The following CAMSAP1 variants were observed in gnomAD, a reference collection of about 807,000 sequenced individuals.
CAMSAP1 encodes calmodulin-regulated spectrin-associated protein 1.
A neutral mutation model predicts 143.5 loss-of-function variants in CAMSAP1; 58 were observed. That is an observed-to-expected ratio of 0.40 (90% confidence interval 0.33 to 0.50). The LOEUF is 0.50. Among genes scored for constraint, CAMSAP1 ranks in the 20% least tolerant of loss-of-function variants. CAMSAP1 has a pLI of 0.45. For missense variants in CAMSAP1, 1,969 were observed against 2,115.7 expected, an observed-to-expected ratio of 0.93 and a Z score of 1.36; for synonymous variants, 945 against 859.3, an observed-to-expected ratio of 1.10 and a Z score of -1.74.
intron 3 of CAMSAP1, among the ~76,000 whole-genome samples, chr9:135,876,731 G>A (rs1371372557): frequency 6.6e-6 from 1 of 152,140 alleles, no homozygotes. Flanking sequence ...AAATATTGCT[G>A]GGCACAGTAG....
At chr9:135,867,469 A>ACCCT (rs1554796473) in intron 3 of CAMSAP1, among the ~76,000 whole-genome samples, 2 of 123,606 alleles carry the variant, frequency 1.6e-5, no homozygotes, top group Non-Finnish European at 3.7e-5. Context: ...ACACAGCAAG[A>ACCCT]CCCCCCTCTT....
chr9:135,815,247 T>C, intron 15 of CAMSAP1, 32 bp from the exon 16 acceptor site: 1 of 1,477,308 alleles, frequency 6.8e-7, no homozygotes, highest in Non-Finnish European at 9.3e-7. Context: ...GGTAAAATTA[T>C]TATTTTAAGG....
At chr9:135,819,257 A>G (rs1407769730) in intron 11 of CAMSAP1, 111 bp from the exon 12 acceptor site, 1 of 1,353,546 alleles carries the variant, frequency 7.4e-7, no homozygotes, top group African/African-American at 1.5e-5. Flanking sequence ...TTTAACGCAT[A>G]AAGACTTCTA....
At chr9:135,879,478 C>T (rs1022147847) in intron 3 of CAMSAP1, among the ~76,000 whole-genome samples, 19 of 151,948 alleles carry the variant, frequency 1.3e-4, no homozygotes, top group Non-Finnish European at 1.0e-4. Flanking sequence ...ATGCTCTTAC[C>T]CAGAATCTGC....
intron 7 of CAMSAP1, among the ~76,000 whole-genome samples, chr9:135,838,580 ACAT>A (rs553663537): frequency 1.7e-4 from 25 of 148,096 alleles, no homozygotes; most frequent in South Asian, 6.5e-4. Context: ...CTACAGACAC[ACAT>A]CATCACGCAC....
rs549331373 is a variant in CAMSAP1, at chr9:135,882,639, A to G, written c.423+177T>C. On this transcript the variant is annotated intron_variant, in intron 2 of 16. Transcript: ENST00000389532. This position sits in a 1 kb window ranked among gnomAD's most constrained non-coding sequence, Gnocchi z 4.9. ...AAGCTCTCTTTTCCCCATTCTCCAC[A>G]ACAGTCATGTGCTTTAAAAGATATG... Among the ~76,000 whole-genome samples the G allele has an allele frequency of 6.6e-6, 1 of 152,278 alleles. No individual in the cohort carries two copies. Among genetic ancestry groups the G allele is most frequent in the South Asian group, 2.1e-4 (1 of 4,822 alleles).
chr9:135,816,269 C>A (rs560944034), intron 14 of CAMSAP1, among the ~76,000 whole-genome samples: 2 of 152,310 alleles, frequency 1.3e-5, no homozygotes, highest in South Asian at 4.1e-4. Context: ...TTCACCTCCA[C>A]GAAGCCCTTG....
chr9:135,856,930 C>T (rs1029269026), intron 5 of CAMSAP1, among the ~76,000 whole-genome samples: 2 of 152,246 alleles, frequency 1.3e-5, no homozygotes, highest in African/African-American at 4.8e-5. Context: ...CCTCCACCTC[C>T]TCTTCAGGAT....
In CAMSAP1 at chr9:135,907,440, G is replaced by A. The variant is rs1371570155; in HGVS notation, c.-281C>T. 6.9e-6 allele frequency among the ~76,000 whole-genome samples: 1 copy of A among 145,810 alleles called. No homozygotes were observed. The highest frequency in any genetic ancestry group is 1.5e-5 in the Non-Finnish European group (1 of 65,684). On this transcript the variant is annotated 5_prime_UTR_variant, in exon 1 of 17. Transcript: ENST00000389532. The stretch of plus-strand genomic sequence containing the variant: ...GCGGGCCGGGGGCGGGGGCGGGCGC[G>A]GGGGCGGGAGCGGGCCGGGGGCGGT...
In CAMSAP1 at chr9:135,873,887, CAACACCA is replaced by C. The variant is rs1837646143; in HGVS notation, c.586-7358_586-7352del. Among the ~76,000 whole-genome samples, 4 of 152,132 alleles carry C rather than the reference CAACACCA, an allele frequency of 2.6e-5. No homozygotes were observed. The South Asian group carries it at 8.3e-4, about 32-fold the overall frequency. ...TCACTTTTTTAGCCCAACATTACCC[CAACACCA>C]AAACAAGAGAAATACATCATGAGAA... On this transcript the variant is annotated intron_variant, in intron 3 of 16. Transcript: ENST00000389532.
intron 3 of CAMSAP1, among the ~76,000 whole-genome samples, chr9:135,866,870 A>C (rs1304168583): frequency 6.6e-6 from 1 of 152,150 alleles, no homozygotes; most frequent in Non-Finnish European, 1.5e-5. Context: ...TCCAACACCA[A>C]CAGCAAATGC....
chr9:135,822,369 G>A lies in CAMSAP1; in HGVS notation c.2292C>T (p.Tyr764=). 1 of 1,613,976 alleles carries A rather than the reference G, an allele frequency of 6.2e-7. No individual in the cohort carries two copies. The highest frequency in any genetic ancestry group is 8.5e-7 in the Non-Finnish European group (1 of 1,179,892). Reference sequence around the variant, plus strand: ...GTTTGGCCGACTCTTCCTCCCCAATGTATCTGCTGAAAACCACAGGATGGG... The same window carrying A: ...GTTTGGCCGACTCTTCCTCCCCAATATATCTGCTGAAAACCACAGGATGGG... ...GEAHPVVFSR[Y]IGEEESAKLQ... Residue 764 remains tyrosine (Y), a synonymous_variant, in exon 11 of 17, where the codon TAC becomes TAT. Coordinates refer to ENST00000389532, the MANE Select transcript of CAMSAP1 (RefSeq NM_015447.4). The surrounding 1 kb of genome is among the most constrained non-coding windows in gnomAD (Gnocchi z 6.1).
At chr9:135,819,672 TAAAAAAAA>T (rs55894826) in intron 11 of CAMSAP1, among the ~76,000 whole-genome samples, 14 of 104,632 alleles carry the variant, frequency 1.3e-4, no homozygotes, top group African/African-American at 5.1e-4. Flanking sequence ...TGTCTCCACT[TAAAAAAAA>T]AAAAAAAAAA....
At chr9:135,813,875 C>T (rs1478197829) in intron 16 of CAMSAP1, among the ~76,000 whole-genome samples, 2 of 152,236 alleles carry the variant, frequency 1.3e-5, no homozygotes, top group Non-Finnish European at 1.5e-5. Context: ...AAGGGCTTTC[C>T]ATGGCCCACA....
At chr9:135,845,277 T>A (rs984447319) in intron 7 of CAMSAP1, among the ~76,000 whole-genome samples, 1 of 152,166 alleles carries the variant, frequency 6.6e-6, no homozygotes, top group African/African-American at 2.4e-5. Context: ...CACATGATTA[T>A]CTCAATAGAT....
chr9:135,864,523 G>C (rs1837306549), intron 4 of CAMSAP1, among the ~76,000 whole-genome samples: 1 of 152,084 alleles, frequency 6.6e-6, no homozygotes. Context: ...AGTTAATGGA[G>C]TATGCATAAA....
chr9:135,836,607 C>T (rs377621814), intron 7 of CAMSAP1: 38 of 981,298 alleles, frequency 3.9e-5, no homozygotes, highest in Admixed American at 6.2e-5. Context: ...AGCCACACAT[C>T]GCCACGTACC....
At chr9:135,874,162 T>A (rs946557693) in intron 3 of CAMSAP1, among the ~76,000 whole-genome samples, 1 of 151,938 alleles carries the variant, frequency 6.6e-6, no homozygotes, top group Admixed American at 6.6e-5. Context: ...TCTGACAAAA[T>A]TCAATATGTA....
chr9:135,840,436 T>C (rs1836298852), intron 7 of CAMSAP1, among the ~76,000 whole-genome samples: 1 of 152,108 alleles, frequency 6.6e-6, no homozygotes, highest in Admixed American at 6.5e-5. Flanking sequence ...GCTCCAGCCA[T>C]GACTCACGAC....
Sources: allele counts gnomAD v4.1 joint callset (sites outside exome capture counted in the v4.1 genomes callset), GRCh38; gene constraint gnomAD v4.1.1; non-coding constraint Gnocchi (gnomAD v3.1); transcripts MANE v1.5; gene names NCBI Gene and HGNC (gene_info 2026-07-23, HGNC 2026-07-21).